The following APBA2 variants were observed in gnomAD, a reference collection of about 807,000 sequenced individuals.
The protein encoded by APBA2 is amyloid beta precursor protein binding family A member 2, also known as amyloid-beta A4 precursor protein-binding family A member 2.
Under a neutral mutation model 75.0 loss-of-function variants are expected in APBA2, and 30 were observed. The ratio of observed to expected loss-of-function variants is 0.40; its 90% CI spans 0.30 to 0.54. APBA2 has a LOEUF of 0.54. Ranked by LOEUF, APBA2 falls within the 20% of genes least tolerant of loss-of-function variation. APBA2 has a pLI of 0.49. For missense variants in APBA2, 801 were observed against 1,016.1 expected (o/e 0.79, Z 2.88); for synonymous variants, 444 against 409.6 (o/e 1.08, Z -1.01).
chr15:28,939,142 C>T (rs757178728), intron 2 of APBA2, among the ~76,000 whole-genome samples: 5 of 152,182 alleles, frequency 3.3e-5, no homozygotes, highest in African/African-American at 1.2e-4. Flanking sequence ...TATTTCACTT[C>T]GCATGGTGTC....
At chr15:29,098,749 C>T (rs1304612607) in intron 9 of APBA2, among the ~76,000 whole-genome samples, 173 bp downstream of exon 9, 1 of 152,230 alleles carries the variant, frequency 6.6e-6, no homozygotes, top group African/African-American at 2.4e-5. Context: ...CAGCAGGTAG[C>T]AGTCGTGCTG....
At chr15:28,940,518 A>G (rs537933929) in intron 2 of APBA2, among the ~76,000 whole-genome samples, 14 of 150,414 alleles carry the variant, frequency 9.3e-5, no homozygotes, top group African/African-American at 3.2e-4. Flanking sequence ...ACGCCACTGC[A>G]CTCCAGCCTG....
At chr15:28,935,895 ATTAATCAAAATGTAT>A (rs2034838563) in intron 2 of APBA2, among the ~76,000 whole-genome samples, 1 of 152,254 alleles carries the variant, frequency 6.6e-6, no homozygotes, top group Non-Finnish European at 1.5e-5. Flanking sequence ...GCTCATCTCT[ATTAATCAAAATGTAT>A]GATTAGGCAG....
At chr15:29,093,009 G>A (rs1595943922) in intron 6 of APBA2, 66 bp from the exon 7 acceptor site, 11 of 1,597,512 alleles carry the variant, frequency 6.9e-6, no homozygotes, top group Non-Finnish European at 9.4e-6. Context: ...CTATGGCCAG[G>A]CATGCAAGTT....
intron 2 of APBA2, among the ~76,000 whole-genome samples, chr15:28,941,557 A>T (rs2035227624): frequency 6.8e-6 from 1 of 146,814 alleles, no homozygotes; most frequent in Admixed American, 6.8e-5. Context: ...GTTAAAGGGG[A>T]CATAAAAGGC....
At position 28,991,793 on chromosome 15, in the gene APBA2, T is replaced by G. The variant is rs2038247379; in HGVS notation, c.-94-3960T>G. ...GCCTCTGCTCAGTGTGGCCAGAGCCTCCTGTCAACAAGTATGTCACTGCCT... is the reference window on the plus strand; with the variant it reads ...GCCTCTGCTCAGTGTGGCCAGAGCCGCCTGTCAACAAGTATGTCACTGCCT... On this transcript the variant is annotated intron_variant, in intron 2 of 14. Coordinates refer to ENST00000683413, the MANE Select transcript of APBA2 (RefSeq NM_001353788.2). The surrounding 1 kb of genome is among the most constrained non-coding windows in gnomAD (Gnocchi z 4.7). Among the ~76,000 whole-genome samples the G allele has an allele frequency of 6.6e-6, 1 of 152,180 alleles. No homozygotes were observed. The highest frequency in any genetic ancestry group is 1.5e-5 in the Non-Finnish European group (1 of 68,046).
intron 2 of APBA2, among the ~76,000 whole-genome samples, chr15:28,945,512 C>T (rs1001271269): frequency 1.3e-4 from 18 of 143,538 alleles, no homozygotes; most frequent in Admixed American, 8.9e-4. Context: ...TCAGGATCCC[C>T]GCTCATTGAT....
intron 6 of APBA2, among the ~76,000 whole-genome samples, chr15:29,088,808 C>T (rs893346869): frequency 2.0e-5 from 3 of 152,180 alleles, no homozygotes; most frequent in South Asian, 2.1e-4. Flanking sequence ...ATCTGGCCAG[C>T]GCTTCCTCCC....
intron 3 of APBA2, among the ~76,000 whole-genome samples, chr15:29,003,209 G>A (rs1049185806): frequency 3.3e-5 from 5 of 152,084 alleles, no homozygotes; most frequent in Admixed American, 1.3e-4. Context: ...GTGGAGGCCC[G>A]TGCACCAGAG....
At position 29,054,661 on chromosome 15, in the gene APBA2, G is replaced by A; in HGVS notation, c.777G>A (p.Glu259=). 4 of 1,614,128 alleles carry A rather than the reference G, an allele frequency of 2.5e-6. No individual in the cohort carries two copies. Among genetic ancestry groups the A allele is most frequent in the Non-Finnish European group, 3.4e-6 (4 of 1,180,030 alleles). ...AGCATGGGCCTGAGCCAGGGCCTGA[G>A]GACTCTGTAGAGGCCTGCCCACCCA... ...SPEHGPEPGP[E]DSVEACPPIK... is the part of the protein sequence containing the mutation. The change falls in exon 4 of 15, where the codon GAG becomes GAA. Residue 259 remains glutamate, a synonymous_variant. Coordinates refer to ENST00000683413, the MANE Select transcript of APBA2 (RefSeq NM_001353788.2). The surrounding 1 kb of genome is among the most constrained non-coding windows in gnomAD (Gnocchi z 6.1).
chr15:28,959,759 G>T (rs1356351447), intron 2 of APBA2, among the ~76,000 whole-genome samples: 2 of 152,192 alleles, frequency 1.3e-5, no homozygotes, highest in East Asian at 3.9e-4. Flanking sequence ...AGGGAGCATG[G>T]GGCCTATAGC....
chr15:29,086,502 C>T (rs980554281), intron 6 of APBA2, among the ~76,000 whole-genome samples: 1 of 152,198 alleles, frequency 6.6e-6, no homozygotes, highest in Non-Finnish European at 1.5e-5. Flanking sequence ...TTTATAGGTT[C>T]TAACATTTGT....
At chr15:29,035,142 G>C (rs2040680116) in intron 3 of APBA2, among the ~76,000 whole-genome samples, 1 of 152,288 alleles carries the variant, frequency 6.6e-6, no homozygotes, top group East Asian at 1.9e-4. Context: ...TTCTTGCAGG[G>C]GAGGGAGTGC....
At position 29,114,011 on chromosome 15, in the gene APBA2, G is replaced by A. The variant is rs1441180683; in HGVS notation, c.2173G>A (p.Gly725Arg). The A allele has an allele frequency of 3.1e-6, 5 of 1,613,646 alleles. No individual in the cohort carries two copies. The highest frequency in any genetic ancestry group is 4.5e-5 in the East Asian group (2 of 44,882). ...KIVQALSNSV[G>R]EIHMKTMPAA... ...AGTCCAAGCTCTGTCCAACTCGGTC[G>A]GAGAGGTAAGGAGGGACTTTGAGTG... Residue 725 changes from glycine (G) to arginine (R), a missense_variant, in exon 14 of 15, where the codon GGA (glycine) becomes AGA (arginine). Physicochemically the swap from Gly to Arg is moderately radical, Grantham distance 125 (BLOSUM62 -2). Coordinates refer to ENST00000683413, the MANE Select transcript of APBA2 (RefSeq NM_001353788.2).
At chr15:29,052,181 C>T (rs1344237976) in intron 3 of APBA2, among the ~76,000 whole-genome samples, 3 of 152,092 alleles carry the variant, frequency 2.0e-5, no homozygotes, top group Non-Finnish European at 2.9e-5. Flanking sequence ...CGTTGCTGGG[C>T]GTGGCGGCTC....
In APBA2 at chr15:29,085,265, C is replaced by T. The variant is rs147650963; in HGVS notation, c.1070-7810C>T. Reference sequence around the variant, plus strand: ...AGTTGGCTGGGCGCAGTGGCTCATGCCTGTAATCCCAGCACTTTGGGAGGC... The same window carrying T: ...AGTTGGCTGGGCGCAGTGGCTCATGTCTGTAATCCCAGCACTTTGGGAGGC... On this transcript the variant is annotated intron_variant, in intron 6 of 14. Transcript: ENST00000683413. 3.6e-3 allele frequency among the ~76,000 whole-genome samples: 553 copies of T among 152,130 alleles called. 6 individuals carry two copies. Among genetic ancestry groups the T allele is most frequent in the African/African-American group, 0.013 (519 of 41,504 alleles).
chr15:29,054,054 C>T lies in APBA2; in HGVS notation c.170C>T (p.Ala57Val), dbSNP rs141358568. The T allele has an allele frequency of 6.9e-4, 1,118 of 1,613,878 alleles. No homozygotes were observed. The highest frequency in any genetic ancestry group is 1.7e-3 in the Admixed American group (105 of 60,028). ...ELAALRPESP[A>V]PEEQECHNHS... ...GCTGCCCTGCGGCCAGAGAGCCCCGCGCCAGAGGAACAGGAGTGCCACAAC... is the reference window on the plus strand; with the variant it reads ...GCTGCCCTGCGGCCAGAGAGCCCCGTGCCAGAGGAACAGGAGTGCCACAAC... Residue 57 changes from alanine to valine, a missense_variant, in exon 4 of 15, where the codon GCG becomes GTG. This residue lies in a region of APBA2 where 434 missense variants were observed against 471.6 expected (regional missense o/e 0.92). Transcript: ENST00000683413. The surrounding 1 kb of genome is among the most constrained non-coding windows in gnomAD (Gnocchi z 6.1).
intron 2 of APBA2, among the ~76,000 whole-genome samples, chr15:28,936,037 G>GT (rs1331994565): frequency 1.3e-5 from 2 of 152,174 alleles, no homozygotes; most frequent in Non-Finnish European, 2.9e-5. Context: ...GAAGAATGAA[G>GT]TTTTTTGGCC....
In APBA2 at chr15:29,042,783, G is replaced by A. The variant is rs914127752; in HGVS notation, c.-40-11062G>A. On this transcript the variant is annotated intron_variant, in intron 3 of 14. Transcript: ENST00000683413. ...GAGTCTTGTGGCCGCTTCTCTGGGGGTGACAGATTTCTTTGTCTCTGAGGA... is the reference window on the plus strand; with the variant it reads ...GAGTCTTGTGGCCGCTTCTCTGGGGATGACAGATTTCTTTGTCTCTGAGGA... Among the ~76,000 whole-genome samples the A allele has an allele frequency of 5.5e-4, 83 of 152,242 alleles. 3 individuals carry two copies. The highest frequency in any genetic ancestry group is 2.1e-4 in the South Asian group (1 of 4,818).
Sources: allele counts gnomAD v4.1 joint callset (sites outside exome capture counted in the v4.1 genomes callset), GRCh38; gene constraint gnomAD v4.1.1; regional missense constraint gnomAD v4.1.1; non-coding constraint Gnocchi (gnomAD v3.1); transcripts MANE v1.5; gene names NCBI Gene and HGNC (gene_info 2026-07-23, HGNC 2026-07-21).